The following DCT variants were observed in gnomAD, a reference collection of about 807,000 sequenced individuals.
The protein encoded by DCT is dopachrome tautomerase.
Under a neutral mutation model 53.0 loss-of-function variants are expected in DCT, and 47 were observed. The observed-to-expected ratio is 0.89, with a 90% CI of 0.70 to 1.13. The LOEUF is 1.13. Ranked by LOEUF, DCT falls within the 50% of genes most tolerant of loss-of-function variation. The probability of loss-of-function intolerance (pLI) is 0.00; values close to 1 mark genes in which losing one functional copy is unlikely to be tolerated. For synonymous variants in DCT, 244 were observed against 237.0 expected (o/e 1.03, Z -0.27); for missense variants, 669 against 637.4 (o/e 1.05, Z -0.53).
upstream of DCT, among the ~76,000 whole-genome samples, chr13:94,484,521 T>C (rs7985635): frequency 0.067 from 10,189 of 152,240 alleles, 434 homozygotes; most frequent in African/African-American, 0.12. Context: ...CAAAATGCCA[T>C]AGAGTAGATG....
the DCT span, among the ~76,000 whole-genome samples, chr13:94,514,800 G>A: frequency 1.3e-5 from 2 of 152,168 alleles, no homozygotes; most frequent in South Asian, 2.1e-4. Flanking sequence ...CAGACAGTGA[G>A]GAGCTCGGCA....
chr13:94,438,774 T>C lies in DCT; in HGVS notation c.*1124A>G, dbSNP rs1051289736. 2 of 396,620 alleles carry C rather than the reference T, an allele frequency of 5.0e-6. No individual in the cohort carries two copies. The highest frequency in any genetic ancestry group is 4.1e-5 in the African/African-American group (2 of 48,366). The allele number at this position is 396,620 out of a possible 1,614,324, so 24.6% of individuals were successfully genotyped here. ...ATAGCAGAATATAACCACTTAATTC[T>C]GAATTGTCATGTTTTGTACAGATGG... On this transcript the variant is annotated 3_prime_UTR_variant, in exon 8 of 8. Transcript: ENST00000377028.
upstream of DCT, among the ~76,000 whole-genome samples, chr13:94,482,201 G>A (rs1010346986): frequency 1.3e-5 from 2 of 152,338 alleles, no homozygotes; most frequent in African/African-American, 2.4e-5. Context: ...GTTGGATCAC[G>A]TGTTAGTCTG....
Position 94,479,177 on chromosome 13 carries a change from G to T in DCT, c.79C>A (p.Arg27=). ...ILPGAQGQFP[R]VCMTVDSLVN... is the part of the protein sequence containing the mutation. ...AGGCTGTCCACCGTCATGCAGACTC[G>T]GGGGAACTGACCCTGGGCTCCTGGC... The change falls in exon 1 of 8, where the codon CGA becomes AGA. Residue 27 remains arginine (R), a synonymous_variant. Transcript: ENST00000377028. The T allele has an allele frequency of 6.2e-7, 1 of 1,612,608 alleles. No homozygotes were observed. The highest frequency in any genetic ancestry group is 8.5e-7 in the Non-Finnish European group (1 of 1,178,736).
chr13:94,460,916 C>T lies in DCT; in HGVS notation c.1044-690G>A, dbSNP rs1005665772. On this transcript the variant is annotated intron_variant, in intron 5 of 7. Transcript: ENST00000377028. ...TTCTCCAAAACTGGATTCTCTCTCT[C>T]TCTTAACTGTGTTTAAAGTAGACAA... 4.6e-5 allele frequency among the ~76,000 whole-genome samples: 7 copies of T among 152,296 alleles called. No homozygotes were observed. The East Asian group carries it at 5.8e-4, about 13-fold the overall frequency.
chr13:94,504,592 C>T, the DCT span, among the ~76,000 whole-genome samples: 1 of 152,116 alleles, frequency 6.6e-6, no homozygotes, highest in African/African-American at 2.4e-5. Flanking sequence ...TGGTCTCGAA[C>T]TCCTGATCTC....
chr13:94,461,117 A>G (rs1369477646), intron 5 of DCT, among the ~76,000 whole-genome samples: 1 of 152,216 alleles, frequency 6.6e-6, no homozygotes, highest in Non-Finnish European at 1.5e-5. Flanking sequence ...CATTGTGACA[A>G]AAGTGCTATT....
In DCT at chr13:94,479,121, A is replaced by AATGAGACATTGG; in HGVS notation, c.134_135insCCAATGTCTCAT (p.Gly45_Ala46insGlnCysLeuIle). 6.2e-7 allele frequency: 1 copy of AATGAGACATTGG among 1,614,150 alleles called. No individual in the cohort carries two copies. The highest frequency in any genetic ancestry group is 8.5e-7 in the Non-Finnish European group (1 of 1,180,020). ...AGCCACAGACATTGGCCGACTCTGCACCCAGGCGTGGGCAGCACTCCTTGT... is the reference window on the plus strand; with the variant it reads ...AGCCACAGACATTGGCCGACTCTGCAATGAGACATTGGCCCAGGCGTGGGCAGCACTCCTTGT... On this transcript the variant is annotated inframe_insertion, in exon 1 of 8. Coordinates refer to ENST00000377028, the MANE Select transcript of DCT (RefSeq NM_001922.5).
At chr13:94,462,921 C>G (rs61964065) in intron 4 of DCT, among the ~76,000 whole-genome samples, 23,280 of 151,968 alleles carry the variant, frequency 0.15, 2,026 homozygotes, top group Non-Finnish European at 0.2. Context: ...TGAAGGCAAA[C>G]GGGGAGGTCA....
At chr13:94,448,868 C>T (rs1478254566) in intron 6 of DCT, among the ~76,000 whole-genome samples, 5 of 151,830 alleles carry the variant, frequency 3.3e-5, no homozygotes, top group African/African-American at 1.2e-4. Context: ...CGCACCACTG[C>T]ACTCCAGCCT....
At chr13:94,542,145 C>G in the DCT span, among the ~76,000 whole-genome samples, 2 of 152,160 alleles carry the variant, frequency 1.3e-5, no homozygotes, top group Non-Finnish European at 2.9e-5. Context: ...TATACAAGCA[C>G]TTCAAACATT....
At chr13:94,471,630 T>C (rs1320004940) in intron 1 of DCT, among the ~76,000 whole-genome samples, 2 of 152,212 alleles carry the variant, frequency 1.3e-5, no homozygotes, top group African/African-American at 4.8e-5. Context: ...TAAAAACAGA[T>C]TTGATTAAAA....
chr13:94,512,594 C>T, the DCT span, among the ~76,000 whole-genome samples: 2 of 152,146 alleles, frequency 1.3e-5, no homozygotes, highest in Non-Finnish European at 2.9e-5. Flanking sequence ...TGGCTTTGTT[C>T]ACCAAAACAT....
the DCT span, among the ~76,000 whole-genome samples, chr13:94,485,253 A>G: frequency 7.2e-5 from 11 of 152,294 alleles, no homozygotes; most frequent in East Asian, 2.1e-3. Context: ...TAGCTTCTCA[A>G]ATGGATTCAT....
intron 1 of DCT, among the ~76,000 whole-genome samples, chr13:94,475,094 CA>C (rs2139371154): frequency 6.6e-6 from 1 of 152,218 alleles, no homozygotes; most frequent in East Asian, 1.9e-4. Context: ...GATTGCCCCA[CA>C]AACCATAAAA....
At chr13:94,532,614 C>T in the DCT span, among the ~76,000 whole-genome samples, 5 of 152,062 alleles carry the variant, frequency 3.3e-5, no homozygotes, top group African/African-American at 9.7e-5. Flanking sequence ...GGGCAGGGAA[C>T]ATCACACACC....
At chr13:94,508,747 C>A in the DCT span, among the ~76,000 whole-genome samples, 1 of 152,168 alleles carries the variant, frequency 6.6e-6, no homozygotes, top group Non-Finnish European at 1.5e-5. Context: ...TACACAGACA[C>A]ATTTTAGCTC....
chr13:94,530,214 G>T, the DCT span, among the ~76,000 whole-genome samples: 1 of 152,204 alleles, frequency 6.6e-6, no homozygotes, highest in African/African-American at 2.4e-5. Context: ...GAGGTACAAA[G>T]AGGAGCTGGG....
chr13:94,485,774 T>C, the DCT span, among the ~76,000 whole-genome samples: 1 of 152,154 alleles, frequency 6.6e-6, no homozygotes, highest in Non-Finnish European at 1.5e-5. Flanking sequence ...AAAGTATTGA[T>C]TATTTAGCCA....
Sources: gnomAD v4.1 joint callset for allele counts (sites outside exome capture counted in the v4.1 genomes callset) on GRCh38, gnomAD v4.1.1 for gene constraint, MANE v1.5 for transcripts, NCBI Gene and HGNC (gene_info 2026-07-23, HGNC 2026-07-21) for gene names.